HIVEP2: variants seen among roughly 807,000 people sequenced by gnomAD.
HIVEP2 encodes the protein HIVEP zinc finger 2.
Under a neutral mutation model 180.7 loss-of-function variants are expected in HIVEP2, and 14 were observed. That is an observed-to-expected ratio of 0.08 (90% confidence interval 0.05 to 0.12). The LOEUF (loss-of-function observed/expected upper bound fraction) is 0.12. HIVEP2 is among the 10% of genes least tolerant of loss of function. The probability of loss-of-function intolerance (pLI) is 1.00; values close to 1 mark genes in which losing one functional copy is unlikely to be tolerated. For missense variants in HIVEP2, 2,579 were observed against 3,008.5 expected (o/e 0.86, Z 3.34); for synonymous variants, 1,184 against 1,136.4 (o/e 1.04, Z -0.84).
intron 1 of HIVEP2, among the ~76,000 whole-genome samples, chr6:142,917,232 A>G (rs1777577094): frequency 6.6e-6 from 1 of 152,346 alleles, no homozygotes; most frequent in East Asian, 1.9e-4. Flanking sequence ...TTTATCACTA[A>G]TTCTCTCTTC....
intron 2 of HIVEP2, among the ~76,000 whole-genome samples, chr6:142,833,790 C>T (rs973985141): frequency 6.6e-6 from 1 of 152,158 alleles, no homozygotes; most frequent in East Asian, 1.9e-4. Flanking sequence ...AAACAAAGGG[C>T]AGTCTTTGTA....
At chr6:142,885,273 C>T (rs1204634571) in intron 1 of HIVEP2, among the ~76,000 whole-genome samples, 1 of 152,148 alleles carries the variant, frequency 6.6e-6, no homozygotes, top group African/African-American at 2.4e-5. Flanking sequence ...AAGAAACAAA[C>T]TGAGCCAGAA....
At chr6:142,807,146 C>G (rs1167327749) in intron 2 of HIVEP2, among the ~76,000 whole-genome samples, 2 of 152,136 alleles carry the variant, frequency 1.3e-5, no homozygotes, top group Non-Finnish European at 2.9e-5. Flanking sequence ...GACCAATAGC[C>G]TGGAGCTGGA....
In HIVEP2 at chr6:142,858,611, G is replaced by C. The variant is rs561794185; in HGVS notation, c.-640-21564C>G. Among the ~76,000 whole-genome samples, 108 of 151,382 alleles carry C rather than the reference G, an allele frequency of 7.1e-4. 4 individuals carry two copies. The South Asian group carries it at 0.022, about 30-fold the overall frequency. ...TTTAATTAAATAAATTTTTTTTTGA[G>C]ATGGAGTTTCACTCTCGTTGCCCAG... On this transcript the variant is annotated intron_variant, in intron 1 of 9. Transcript: ENST00000367603.
intron 1 of HIVEP2, among the ~76,000 whole-genome samples, chr6:142,857,716 G>A (rs1315924131): frequency 6.6e-6 from 1 of 152,188 alleles, no homozygotes; most frequent in African/African-American, 2.4e-5. Context: ...TTTAATTGTT[G>A]AAGATTAGGT....
At chr6:142,828,712 G>C (rs1774985760) in intron 2 of HIVEP2, among the ~76,000 whole-genome samples, 1 of 152,116 alleles carries the variant, frequency 6.6e-6, no homozygotes, top group Admixed American at 6.5e-5. Context: ...TGACAGGTGT[G>C]AGCCACTGCA....
intron 1 of HIVEP2, among the ~76,000 whole-genome samples, chr6:142,888,601 G>C (rs191610647): frequency 6.6e-6 from 1 of 152,122 alleles, no homozygotes; most frequent in African/African-American, 2.4e-5. Flanking sequence ...ACCTGCAAGA[G>C]TGCATGCACA....
At chr6:142,905,064 G>T (rs1777229890) in intron 1 of HIVEP2, among the ~76,000 whole-genome samples, 1 of 151,970 alleles carries the variant, frequency 6.6e-6, no homozygotes, top group South Asian at 2.1e-4. Flanking sequence ...TAATATTTTG[G>T]ATATTACAAT....
intron 2 of HIVEP2, among the ~76,000 whole-genome samples, chr6:142,802,210 A>G (rs562868231): frequency 1.3e-5 from 2 of 152,318 alleles, no homozygotes; most frequent in African/African-American, 2.4e-5. Flanking sequence ...CAAGGATTCA[A>G]TCTTCTGCCA....
intron 6 of HIVEP2, among the ~76,000 whole-genome samples, chr6:142,765,687 C>A (rs536855514): frequency 2.2e-4 from 33 of 152,252 alleles, no homozygotes; most frequent in African/African-American, 7.7e-4. Context: ...GCATTTGTTT[C>A]CAGAAGGGTT....
In HIVEP2 at chr6:142,759,968, G is replaced by C. The variant is rs1194588034; in HGVS notation, c.6320C>G (p.Pro2107Arg). The change falls in exon 9 of 10, where the codon CCA (proline) becomes CGA (arginine). Residue 2107 changes from proline (P) to arginine (R), a missense_variant. Transcript: ENST00000367603. Reference protein sequence around the residue: ...RREMSQRDVSPRRHLSPRRPV... With the variant: ...RREMSQRDVSRRRHLSPRRPV... ...CCTCCTTGGAGACAAATGCCTTCTT[G>C]GTGAAACATCTCTTTGGGACATCTC... 6.2e-7 allele frequency: 1 copy of C among 1,613,856 alleles called. No homozygotes were observed.
rs552371284 is a variant in HIVEP2 at position 142,924,345 on chromosome 6, AACTACTC to A, written c.-641+20747_-641+20753del. On this transcript the variant is annotated intron_variant, in intron 1 of 9. Coordinates refer to ENST00000367603, the MANE Select transcript of HIVEP2 (RefSeq NM_006734.4). ...CTCATTCAGCACCCGTGCTCTGAGC[AACTACTC>A]CGGGTCAGGCACCGTTCTAGGCATT... Among the ~76,000 whole-genome samples, 274 of 152,340 alleles carry A rather than the reference AACTACTC, an allele frequency of 1.8e-3. 1 individual carries two copies. Among genetic ancestry groups the A allele is most frequent in the African/African-American group, 6.4e-3 (266 of 41,582 alleles).
chr6:142,923,951 G>A (rs749757435), intron 1 of HIVEP2, among the ~76,000 whole-genome samples: 7 of 152,224 alleles, frequency 4.6e-5, no homozygotes, highest in Admixed American at 6.5e-5. Context: ...GGTAAAGGCC[G>A]AGGGTTAAGT....
At chr6:142,802,354 G>C (rs1776434432) in intron 2 of HIVEP2, among the ~76,000 whole-genome samples, 1 of 152,068 alleles carries the variant, frequency 6.6e-6, no homozygotes, top group African/African-American at 2.4e-5. Context: ...TCATCTCTCT[G>C]TAGCAAGGCC....
intron 1 of HIVEP2, among the ~76,000 whole-genome samples, chr6:142,914,953 A>T (rs1456071607): frequency 6.6e-6 from 1 of 152,100 alleles, no homozygotes; most frequent in Non-Finnish European, 1.5e-5. Context: ...TTCAAATTTC[A>T]TCTCCTCTAA....
intron 1 of HIVEP2, among the ~76,000 whole-genome samples, chr6:142,898,430 G>C (rs919143749): frequency 5.3e-5 from 8 of 152,126 alleles, no homozygotes; most frequent in African/African-American, 1.9e-4. Context: ...GGGAGGCCGA[G>C]GCGGGCAAAT....
chr6:142,804,270 T>A (rs1776490301), intron 2 of HIVEP2, among the ~76,000 whole-genome samples: 2 of 152,122 alleles, frequency 1.3e-5, no homozygotes, highest in African/African-American at 4.8e-5. Context: ...TCAGAAAATG[T>A]TACACCAGTA....
rs771126610 is a variant in HIVEP2 at position 142,774,156 on chromosome 6, T to C, written c.583A>G (p.Ser195Gly). 1 of 1,614,186 alleles carries C rather than the reference T, an allele frequency of 6.2e-7. No individual in the cohort carries two copies. Residue 195 changes from serine (S) to glycine (G), a missense_variant, in exon 5 of 10, where the codon AGC becomes GGC. This residue lies in a region of HIVEP2 where 26 missense variants were observed against 76.9 expected (regional missense o/e 0.34). Coordinates refer to ENST00000367603, the MANE Select transcript of HIVEP2 (RefSeq NM_006734.4). The surrounding 1 kb of genome is among the most constrained non-coding windows in gnomAD (Gnocchi z 5.1). ...KPGKYICPYCSRACAKPSVLK... is the reference protein window; with the variant it reads ...KPGKYICPYCGRACAKPSVLK... ...ACACTAGGTTTGGCACACGCTCTGC[T>C]GCAGTAAGGGCAAATGTACTTGCCA...
chr6:142,840,286 CCTTATTTATTTTTTTTTTTTTAATATTTT>C, intron 1 of HIVEP2, among the ~76,000 whole-genome samples: 1 of 136,094 alleles, frequency 7.3e-6, no homozygotes, highest in Non-Finnish European at 1.6e-5. Flanking sequence ...GTACAGCTAT[CCTTATTTATTTTTTTTTTTTTAATATTTT>C]TTTATTTATT....
Sources: gnomAD v4.1 joint callset for allele counts (sites outside exome capture counted in the v4.1 genomes callset) on GRCh38, gnomAD v4.1.1 for gene constraint, gnomAD v4.1.1 regional missense constraint, Gnocchi (gnomAD v3.1) non-coding constraint, MANE v1.5 for transcripts, NCBI Gene and HGNC (gene_info 2026-07-23, HGNC 2026-07-21) for gene names.